PYGB: variants seen among roughly 807,000 people sequenced by gnomAD.
The protein encoded by PYGB is glycogen phosphorylase B.
Under a neutral mutation model 94.3 loss-of-function variants are expected in PYGB, and 82 were observed. The ratio of observed to expected loss-of-function variants is 0.87; its 90% confidence interval spans 0.73 to 1.04. The LOEUF (loss-of-function observed/expected upper bound fraction) is 1.04. PYGB is among the 50% of genes least tolerant of loss of function. The probability of loss-of-function intolerance (pLI) is 0.00; values close to 1 mark genes in which losing one functional copy is unlikely to be tolerated. For synonymous variants in PYGB, 488 were observed against 479.1 expected (o/e 1.02, Z -0.24); for missense variants, 1,132 against 1,158.2 (o/e 0.98, Z 0.33).
intron 14 of PYGB, chr20:25,285,157 C>T (rs940284408): frequency 6.6e-6 from 1 of 152,238 alleles, no homozygotes; most frequent in Admixed American, 6.5e-5. Context: ...AGGCCACCCC[C>T]GCTGAGGACC....
chr20:25,280,286 G>A lies in PYGB; in HGVS notation c.1113G>A (p.Lys371=), dbSNP rs2088353692. The change falls in exon 10 of 20, where the codon AAG becomes AAA. Residue 371 remains lysine (K), a synonymous_variant. Coordinates refer to ENST00000216962, the MANE Select transcript of PYGB (RefSeq NM_002862.4). ...CCTAGGCCTGGGAAATCACGAAGAA[G>A]ACCTGTGCATACACCAACCACACTG... The part of the protein sequence containing the change: ...DWDKAWEITK[K]TCAYTNHTVL... 6.2e-7 allele frequency: 1 copy of A among 1,614,004 alleles called. No homozygotes were observed. Among genetic ancestry groups the A allele is most frequent in the African/African-American group, 1.3e-5 (1 of 74,958 alleles).
At chr20:25,249,229 C>CA (rs773989725) in intron 1 of PYGB, among the ~76,000 whole-genome samples, 1 of 144,102 alleles carries the variant, frequency 6.9e-6, no homozygotes, top group Non-Finnish European at 1.6e-5. Flanking sequence ...GTATAATGCA[C>CA]ATACAGTTTT....
intron 1 of PYGB, among the ~76,000 whole-genome samples, chr20:25,257,681 T>G (rs149137529): frequency 1.3e-5 from 2 of 152,242 alleles, no homozygotes; most frequent in Admixed American, 6.5e-5. Context: ...AAAATATACA[T>G]TTTTAGTTAA....
chr20:25,280,898 C>G (rs766654439), intron 10 of PYGB, 51 bp from the exon 11 acceptor site: 1 of 1,590,964 alleles, frequency 6.3e-7, no homozygotes, highest in East Asian at 2.2e-5. Context: ...AGTGCTGGGT[C>G]TCCGTGGGGC....
chr20:25,281,194 A>T, intron 11 of PYGB, 82 bp downstream of exon 11: 1 of 1,535,058 alleles, frequency 6.5e-7, no homozygotes, highest in Middle Eastern at 1.7e-4. Flanking sequence ...AAACACATGG[A>T]CCCAGCTATA....
chr20:25,250,270 A>T lies in PYGB; in HGVS notation c.243+1849A>T, dbSNP rs372436024. On this transcript the variant is annotated intron_variant, in intron 1 of 19. Transcript: ENST00000216962. Reference sequence around the variant, plus strand: ...CTCTACACCTTAGGGTGCCCATTGGAGTATTTATGTATAATCACATCCTGG... The same window carrying T: ...CTCTACACCTTAGGGTGCCCATTGGTGTATTTATGTATAATCACATCCTGG... Among the ~76,000 whole-genome samples the T allele has an allele frequency of 5.1e-4, 78 of 152,264 alleles. 1 individual carries two copies. The South Asian group carries it at 0.011, about 21-fold the overall frequency.
rs2088553663 is a variant in PYGB, at chr20:25,296,769, G to A, written c.*247G>A. The A allele has an allele frequency of 3.9e-6, 2 of 506,790 alleles. No homozygotes were observed. The highest frequency in any genetic ancestry group is 4.7e-5 in the South Asian group (2 of 42,180). The allele number at this position is 506,790 out of a possible 1,614,324, so 31.4% of individuals were successfully genotyped here. A position where few individuals can be genotyped will look rare whatever the true frequency, so the allele number is the denominator to read the frequency against. On this transcript the variant is annotated 3_prime_UTR_variant, in exon 20 of 20. Coordinates refer to ENST00000216962, the MANE Select transcript of PYGB (RefSeq NM_002862.4). The stretch of plus-strand genomic sequence containing the variant: ...AGTACAAAGGGTCGTGGCCAGCCCT[G>A]CAGCTTCAGCACCTGCCCCACCCAG...
intron 1 of PYGB, among the ~76,000 whole-genome samples, chr20:25,252,626 G>T (rs1317036295): frequency 6.6e-6 from 1 of 152,186 alleles, no homozygotes; most frequent in Non-Finnish European, 1.5e-5. Context: ...TACTTACAAG[G>T]AATACAACCC....
rs763497051 is a variant in PYGB at position 25,290,636 on chromosome 20, C to T, written c.1969+14C>T. The T allele has an allele frequency of 6.3e-7, 1 of 1,592,358 alleles. No homozygotes were observed. ...TGGCTGAGAAAGGTAACCCTGGAAG[C>T]CTGTGTTGGACAGAAAACTCACTCC... is the stretch of plus-strand genomic sequence containing the variant. On this transcript the variant is annotated intron_variant, in intron 16 of 19. Transcript: ENST00000216962.
intron 4 of PYGB, 96 bp from the exon 5 acceptor site, chr20:25,274,496 T>C: frequency 1.4e-6 from 2 of 1,469,998 alleles, no homozygotes; most frequent in Non-Finnish European, 1.8e-6. Flanking sequence ...TGCCAGGCAC[T>C]GTGTGATCTC....
At chr20:25,278,251 T>C (rs972655660) in intron 7 of PYGB, 68 bp from the exon 8 acceptor site, 12 of 509,182 alleles carry the variant, frequency 2.4e-5, no homozygotes, top group Non-Finnish European at 3.1e-5. Context: ...GCCAGGTCGC[T>C]GACCTGGGCT....
At chr20:25,278,222 C>T (rs2088331085) in intron 7 of PYGB, 97 bp from the exon 8 acceptor site, 12 of 1,341,120 alleles carry the variant, frequency 8.9e-6, no homozygotes, top group African/African-American at 1.6e-5. Context: ...TCCTCTCGGC[C>T]TTCTGCCTGC....
chr20:25,282,025 G>A lies in PYGB; in HGVS notation c.1404-8G>A. ...TTTGTGACAGTTCCCTGTTCTCTGT[G>A]TTTGCAGCTTTAAGGATTTTTATGA... On this transcript the variant is annotated splice_region_variant and splice_polypyrimidine_tract_variant and intron_variant, in intron 11 of 19. Coordinates refer to ENST00000216962, the MANE Select transcript of PYGB (RefSeq NM_002862.4). The A allele has an allele frequency of 6.3e-7, 1 of 1,599,314 alleles. No homozygotes were observed. Among genetic ancestry groups the A allele is most frequent in the South Asian group, 1.1e-5 (1 of 90,792 alleles).
chr20:25,295,665 T>G lies in PYGB; in HGVS notation c.2374T>G (p.Tyr792Asp). 1 of 1,613,142 alleles carries G rather than the reference T, an allele frequency of 6.2e-7. No homozygotes were observed. The highest frequency in any genetic ancestry group is 8.5e-7 in the Non-Finnish European group (1 of 1,179,150). The part of the protein sequence containing the change: ...MQCQAQVDQL[Y>D]RNPKEWTKKV... The stretch of plus-strand genomic sequence containing the variant: ...GTGCCAGGCACAGGTGGACCAGCTG[T>G]ACCGGGTGAGGCTCCTGGGTCCAGA... The change falls in exon 19 of 20, where the codon TAC becomes GAC. Residue 792 changes from tyrosine to aspartate, a missense_variant. By Grantham distance (160) the Tyr-to-Asp change is radical. Transcript: ENST00000216962.
chr20:25,264,199 A>C (rs1406236948), intron 2 of PYGB, among the ~76,000 whole-genome samples: 2 of 152,234 alleles, frequency 1.3e-5, no homozygotes, highest in Non-Finnish European at 2.9e-5. Context: ...CAATTGATGC[A>C]GAAAAGGCCT....
At chr20:25,263,529 G>A (rs1367127053) in intron 2 of PYGB, among the ~76,000 whole-genome samples, 4 of 152,010 alleles carry the variant, frequency 2.6e-5, no homozygotes, top group African/African-American at 4.8e-5. Context: ...TTGATAGACC[G>A]GTAGCAAGAC....
intron 9 of PYGB, among the ~76,000 whole-genome samples, chr20:25,279,479 C>G (rs1178859143): frequency 6.6e-6 from 1 of 152,182 alleles, no homozygotes. Context: ...ATTCATGCAC[C>G]TGCCCTCGCG....
In PYGB at chr20:25,274,591, G is replaced by A. The variant is rs1257473934; in HGVS notation, c.529-1G>A. The A allele has an allele frequency of 6.2e-7, 1 of 1,612,762 alleles. No individual in the cohort carries two copies. The highest frequency in any genetic ancestry group is 8.5e-7 in the Non-Finnish European group (1 of 1,179,476). ...TGCCCTCACAGCTGGCTTCTTTCCA[G>A]GTAGAGGAGGCCGATGACTGGCTGC... On this transcript the variant is annotated splice_acceptor_variant, in intron 4 of 19. Transcript: ENST00000216962. LOFTEE classifies it high-confidence loss of function.
At chr20:25,248,831 A>G (rs2123499857) in intron 1 of PYGB, among the ~76,000 whole-genome samples, 1 of 152,368 alleles carries the variant, frequency 6.6e-6, no homozygotes, top group East Asian at 1.9e-4. Context: ...GACTGGAACC[A>G]GGCCTGGGCA....
Sources: allele counts gnomAD v4.1 joint callset (sites outside exome capture counted in the v4.1 genomes callset), GRCh38; gene constraint gnomAD v4.1.1; transcripts MANE v1.5; gene names NCBI Gene and HGNC (gene_info 2026-07-23, HGNC 2026-07-21).